GZF1: variants seen among roughly 807,000 people sequenced by gnomAD.
GZF1 encodes the protein GDNF inducible zinc finger protein 1.
Under a neutral mutation model 49.4 loss-of-function variants are expected in GZF1, and 28 were observed. The ratio of observed to expected loss-of-function variants is 0.57; its 90% confidence interval spans 0.42 to 0.78. The LOEUF (loss-of-function observed/expected upper bound fraction) is 0.78, where lower values mean the gene tolerates loss of function less well. GZF1 is among the 30% of genes least tolerant of loss of function. The pLI, the probability that GZF1 is intolerant of heterozygous loss-of-function variation, is 0.00. For missense variants in GZF1, 798 were observed against 916.2 expected (o/e 0.87, Z 1.67); for synonymous variants, 364 against 356.0 (o/e 1.02, Z -0.25).
At position 23,365,403 on chromosome 20, in the gene GZF1, C is replaced by T. The variant is rs546426650; in HGVS notation, c.1020C>T (p.His340=). 2.5e-6 allele frequency: 4 copies of T among 1,613,816 alleles called. No homozygotes were observed. Among genetic ancestry groups the T allele is most frequent in the East Asian group, 4.5e-5 (2 of 44,870 alleles). ...KSFLKHSKHR[H]GVATEVVYRC... Reference sequence around the variant, plus strand: ...TCCTGAAGCACAGCAAGCACCGCCACGGCGTGGCCACCGAGGTGGTGTACC... The same window carrying T: ...TCCTGAAGCACAGCAAGCACCGCCATGGCGTGGCCACCGAGGTGGTGTACC... Residue 340 remains histidine, a synonymous_variant, in exon 2 of 6, where the codon CAC becomes CAT. Coordinates refer to ENST00000338121, the MANE Select transcript of GZF1 (RefSeq NM_022482.5).
In GZF1 at chr20:23,364,492, G is replaced by T; in HGVS notation, c.109G>T (p.Val37Leu). Residue 37 changes from valine to leucine, a missense_variant, in exon 2 of 6, where the codon GTG (valine) becomes TTG (leucine). Around this residue, in one of 3 missense-constraint regions of GZF1, gnomAD observed 105 missense variants for 147.5 expected, o/e 0.71. Coordinates refer to ENST00000338121, the MANE Select transcript of GZF1 (RefSeq NM_022482.5). Reference protein sequence around the residue: ...LGHLCDVTVSVEYQGVRKDFM... With the variant: ...LGHLCDVTVSLEYQGVRKDFM... ...TCACCTGTGTGACGTGACAGTCAGCGTGGAGTATCAGGGTGTCCGCAAAGA... is the reference window on the plus strand; with the variant it reads ...TCACCTGTGTGACGTGACAGTCAGCTTGGAGTATCAGGGTGTCCGCAAAGA... 6.2e-7 allele frequency: 1 copy of T among 1,614,268 alleles called. No homozygotes were observed. Among genetic ancestry groups the T allele is most frequent in the Non-Finnish European group, 8.5e-7 (1 of 1,180,040 alleles).
upstream of GZF1, among the ~76,000 whole-genome samples, chr20:23,361,816 G>A (rs1346758307): frequency 6.6e-6 from 1 of 152,224 alleles, no homozygotes; most frequent in Non-Finnish European, 1.5e-5. Context: ...AAGCGCTGGC[G>A]CCTTGCGGCC....
rs367787556 is a variant in GZF1, at chr20:23,365,439, C to T, written c.1056C>T (p.Thr352=). The T allele has an allele frequency of 6.2e-7, 1 of 1,613,668 alleles. No individual in the cohort carries two copies. The highest frequency in any genetic ancestry group is 8.5e-7 in the Non-Finnish European group (1 of 1,180,062). ...CCGAGGTGGTGTACCGCTGCGACACCTGCGGCCAGACCTTCGCCAACCGCT... is the reference window on the plus strand; with the variant it reads ...CCGAGGTGGTGTACCGCTGCGACACTTGCGGCCAGACCTTCGCCAACCGCT... ...VATEVVYRCD[T]CGQTFANRCN... The change falls in exon 2 of 6, where the codon ACC becomes ACT. Residue 352 remains threonine (T), a synonymous_variant. Coordinates refer to ENST00000338121, the MANE Select transcript of GZF1 (RefSeq NM_022482.5).
chr20:23,364,337 G>A lies in GZF1; in HGVS notation c.-21-26G>A, dbSNP rs771854846. On this transcript the variant is annotated intron_variant, in intron 1 of 5. Coordinates refer to ENST00000338121, the MANE Select transcript of GZF1 (RefSeq NM_022482.5). Reference sequence around the variant, plus strand: ...TCCTTTTGCATCAGTGGTTGCTCATGCATAATTCTTGTTTCTTTTTCAAAG... The same window carrying A: ...TCCTTTTGCATCAGTGGTTGCTCATACATAATTCTTGTTTCTTTTTCAAAG... 9.4e-6 allele frequency: 13 copies of A among 1,385,646 alleles called. No homozygotes were observed. In the African/African-American group the frequency reaches 1.7e-4, roughly 19 times the overall value. The allele number at this position is 1,385,646 out of a possible 1,614,324, so 85.8% of individuals were successfully genotyped here. A position where few individuals can be genotyped will look rare whatever the true frequency, so the allele number is the denominator to read the frequency against.
Position 23,370,391 on chromosome 20 carries a change from C to T in GZF1, c.2086C>T (p.Gln696Ter), listed in dbSNP as rs200589846. The T allele has an allele frequency of 6.2e-7, 1 of 1,613,994 alleles. No homozygotes were observed. The highest frequency in any genetic ancestry group is 1.3e-5 in the African/African-American group (1 of 75,054). ...TISELSELTP[Q>*]TDSMPTQLHS... ...CAGTGAGCTTAGCGAGCTGACCCCA[C>T]AGACAGACTCGATGCCCACACAGCT... The change falls in exon 6 of 6, where the codon CAG becomes TAG. Residue 696 changes from glutamine (Q) to a stop codon, truncating the protein, a stop_gained. Transcript: ENST00000338121. LOFTEE classifies it high-confidence loss of function.
rs1982154930 is a variant in GZF1, at chr20:23,372,350, TAATG to T, written c.*1912_*1915del. The T allele has an allele frequency of 1.3e-5, 2 of 152,218 alleles. No homozygotes were observed. The highest frequency in any genetic ancestry group is 2.9e-5 in the Non-Finnish European group (2 of 68,038). The allele number at this position is 152,218 out of a possible 1,614,324, so 9.4% of individuals were successfully genotyped here. A position where few individuals can be genotyped will look rare whatever the true frequency, so the allele number is the denominator to read the frequency against. On this transcript the variant is annotated 3_prime_UTR_variant, in exon 6 of 6. Transcript: ENST00000338121. ...CATATAATTTGCTTAATTACGTGAA[TAATG>T]AAATGTAAAATCCGGGTCCATAAGC...
At chr20:23,366,868 C>T (rs1981456826) in intron 2 of GZF1, 135 bp from the exon 3 acceptor site, 1 of 676,528 alleles carries the variant, frequency 1.5e-6, no homozygotes, top group African/African-American at 1.8e-5. Flanking sequence ...AGATTATGGG[C>T]TCTTGACCTG....
At chr20:23,368,990 T>G (rs907283936) in intron 4 of GZF1, 61 bp downstream of exon 4, 1 of 1,433,800 alleles carries the variant, frequency 7.0e-7, no homozygotes, top group African/African-American at 1.4e-5. Flanking sequence ...ATTCTAAAGC[T>G]TGTAGATTTA....
In GZF1 at chr20:23,364,888, A is replaced by G; in HGVS notation, c.505A>G (p.Thr169Ala). The G allele has an allele frequency of 6.2e-7, 1 of 1,614,228 alleles. No individual in the cohort carries two copies. The highest frequency in any genetic ancestry group is 8.5e-7 in the Non-Finnish European group (1 of 1,180,036). The change falls in exon 2 of 6, where the codon ACC becomes GCC. Residue 169 changes from threonine to alanine, a missense_variant. Coordinates refer to ENST00000338121, the MANE Select transcript of GZF1 (RefSeq NM_022482.5). ...AAPAPRASVATDGPHPSGLTD... is the reference protein window; with the variant it reads ...AAPAPRASVAADGPHPSGLTD... ...TCCTGCCCCCAGGGCAAGTGTGGCC[A>G]CCGATGGCCCTCACCCCAGTGGTCT...
In GZF1 at chr20:23,366,576, T is replaced by G. The variant is rs144920975; in HGVS notation, c.1365-427T>G. 3.8e-3 allele frequency among the ~76,000 whole-genome samples: 586 copies of G among 152,346 alleles called. 4 individuals are homozygous for G. The highest frequency in any genetic ancestry group is 0.014 in the African/African-American group (569 of 41,574). The stretch of plus-strand genomic sequence containing the variant: ...TCCTTTCTCTACTGGTGATGTCATA[T>G]TAGGAAATGAGAGTAACATTTTTGA... On this transcript the variant is annotated intron_variant, in intron 2 of 5. Transcript: ENST00000338121.
chr20:23,361,432 G>C (rs943193921), upstream of GZF1, among the ~76,000 whole-genome samples: 1 of 152,228 alleles, frequency 6.6e-6, no homozygotes, highest in Non-Finnish European at 1.5e-5. Flanking sequence ...GAGTGGATGG[G>C]TCTCTGGGGA....
At chr20:23,368,015 GTCATAAT>G (rs1371441642) in intron 3 of GZF1, among the ~76,000 whole-genome samples, 3 of 152,190 alleles carry the variant, frequency 2.0e-5, no homozygotes, top group Non-Finnish European at 4.4e-5. Context: ...TCATTCTGAA[GTCATAAT>G]TCATGTCATT....
rs1981215024 is a variant in GZF1, at chr20:23,365,436, C to T, written c.1053C>T (p.Asp351=). 6.2e-7 allele frequency: 1 copy of T among 1,613,650 alleles called. No homozygotes were observed. Among genetic ancestry groups the T allele is most frequent in the Non-Finnish European group, 8.5e-7 (1 of 1,180,058 alleles). ...GVATEVVYRC[D]TCGQTFANRC... Reference sequence around the variant, plus strand: ...CCACCGAGGTGGTGTACCGCTGCGACACCTGCGGCCAGACCTTCGCCAACC... The same window carrying T: ...CCACCGAGGTGGTGTACCGCTGCGATACCTGCGGCCAGACCTTCGCCAACC... Residue 351 remains aspartate (D), a synonymous_variant, in exon 2 of 6, where the codon GAC becomes GAT. Transcript: ENST00000338121.
In GZF1 at chr20:23,364,639, G is replaced by A. The variant is rs1981079845; in HGVS notation, c.256G>A (p.Asp86Asn). 1.2e-6 allele frequency: 2 copies of A among 1,614,262 alleles called. No individual in the cohort carries two copies. Among genetic ancestry groups the A allele is most frequent in the Non-Finnish European group, 1.7e-6 (2 of 1,180,048 alleles). The change falls in exon 2 of 6, where the codon GAC (aspartate) becomes AAC (asparagine). Residue 86 changes from aspartate to asparagine, a missense_variant. Around this residue, in one of 3 missense-constraint regions of GZF1, gnomAD observed 105 missense variants for 147.5 expected, o/e 0.71. Transcript: ENST00000338121. ...CTACTTAAATGAAGTGCAGGTTGCT[G>A]ACTTTGCTTCATTTCTTGAGTTTGT... ...NVYLNEVQVA[D>N]FASFLEFVYT...
rs1981986677 is a variant in GZF1, at chr20:23,370,622, C to A, written c.*181C>A. On this transcript the variant is annotated 3_prime_UTR_variant, in exon 6 of 6. Transcript: ENST00000338121. ...TCACAGCATTTTTAAAGCTTTCCCT[C>A]AAAAATCCTGATCTGCATGATCTCA... 5.1e-6 allele frequency: 3 copies of A among 591,364 alleles called. No individual in the cohort carries two copies. Among genetic ancestry groups the A allele is most frequent in the Non-Finnish European group, 8.9e-6 (3 of 336,174 alleles). The allele number at this position is 591,364 out of a possible 1,614,324, so 36.6% of individuals were successfully genotyped here. A position where few individuals can be genotyped will look rare whatever the true frequency, so the allele number is the denominator to read the frequency against.
upstream of GZF1, among the ~76,000 whole-genome samples, chr20:23,361,259 T>C (rs1980626474): frequency 1.3e-5 from 2 of 152,226 alleles, no homozygotes; most frequent in Non-Finnish European, 2.9e-5. Context: ...GCTTTACCAA[T>C]GGCTGGGAGC....
intron 3 of GZF1, 54 bp from the exon 4 acceptor site, chr20:23,368,708 C>A: frequency 6.9e-7 from 1 of 1,439,882 alleles, no homozygotes; most frequent in Non-Finnish European, 9.4e-7. Context: ...CCTACTGTTC[C>A]ATGTGTTTTT....
rs1001748057 is a variant in GZF1, at chr20:23,371,706, A to T, written c.*1265A>T. ...TGAAATGCTATGATTCACATGTAACATTTAAACATTAATTTAAAAAGGGAA... is the reference window on the plus strand; with the variant it reads ...TGAAATGCTATGATTCACATGTAACTTTTAAACATTAATTTAAAAAGGGAA... On this transcript the variant is annotated 3_prime_UTR_variant, in exon 6 of 6. Coordinates refer to ENST00000338121, the MANE Select transcript of GZF1 (RefSeq NM_022482.5). The T allele has an allele frequency of 1.3e-5, 2 of 152,498 alleles. No homozygotes were observed. Among genetic ancestry groups the T allele is most frequent in the Non-Finnish European group, 2.9e-5 (2 of 68,054 alleles). The allele number at this position is 152,498 out of a possible 1,614,324, so 9.4% of individuals were successfully genotyped here.
chr20:23,366,467 TTTGA>T (rs1261339116), intron 2 of GZF1, among the ~76,000 whole-genome samples: 1 of 152,174 alleles, frequency 6.6e-6, no homozygotes, highest in Admixed American at 6.6e-5. Context: ...GTAAATTATG[TTTGA>T]TTGCTACTTC....
Sources: allele counts gnomAD v4.1 joint callset (sites outside exome capture counted in the v4.1 genomes callset), GRCh38; gene constraint gnomAD v4.1.1; regional missense constraint gnomAD v4.1.1; transcripts MANE v1.5; gene names NCBI Gene and HGNC (gene_info 2026-07-23, HGNC 2026-07-21).